AGMO: variants seen among roughly 807,000 people sequenced by gnomAD.
AGMO encodes alkylglycerol monooxygenase.
Under a neutral mutation model 60.2 loss-of-function variants are expected in AGMO, and 75 were observed. The observed-to-expected ratio is 1.25, with a 90% CI of 1.03 to 1.51. The LOEUF (loss-of-function observed/expected upper bound fraction) is 1.51. AGMO is among the 40% of genes most tolerant of loss of function. The pLI, the probability that AGMO is intolerant of heterozygous loss-of-function variation, is 0.00. For missense variants in AGMO, 763 were observed against 525.5 expected (o/e 1.45, Z -4.42); for synonymous variants, 261 against 177.1 (o/e 1.47, Z -3.76).
the AGMO span, among the ~76,000 whole-genome samples, chr7:15,122,932 A>C: frequency 6.6e-6 from 1 of 152,086 alleles, no homozygotes; most frequent in East Asian, 1.9e-4. Flanking sequence ...CACTCAGAGT[A>C]AAAAACAAAG....
chr7:15,354,314 G>GTGTACACA (rs551527948), intron 12 of AGMO, among the ~76,000 whole-genome samples: 1 of 64,770 alleles, frequency 1.5e-5, no homozygotes, highest in East Asian at 6.4e-4. Flanking sequence ...GTGTATACAC[G>GTGTACACA]CGTGTATATA....
chr7:15,405,308 T>C (rs769268499), intron 5 of AGMO, among the ~76,000 whole-genome samples: 3 of 151,882 alleles, frequency 2.0e-5, no homozygotes, highest in Non-Finnish European at 4.4e-5. Context: ...ATCTAAGTTT[T>C]ATACACTGGG....
At chr7:15,254,818 G>A (rs965687588) in intron 12 of AGMO, among the ~76,000 whole-genome samples, 11 of 151,062 alleles carry the variant, frequency 7.3e-5, no homozygotes, top group Non-Finnish European at 7.4e-5. Context: ...AAAATACAAA[G>A]AATCATAAGA....
At chr7:15,341,757 CAT>C (rs1738558734) in intron 12 of AGMO, among the ~76,000 whole-genome samples, 1 of 152,086 alleles carries the variant, frequency 6.6e-6, no homozygotes, top group South Asian at 2.1e-4. Context: ...CACAGTTGCA[CAT>C]GACTGGGGAG....
intron 12 of AGMO, among the ~76,000 whole-genome samples, chr7:15,342,997 C>T (rs1442159962): frequency 3.3e-5 from 5 of 151,722 alleles, no homozygotes; most frequent in African/African-American, 1.2e-4. Flanking sequence ...AGTGTCATTC[C>T]CTTTTATGAA....
intron 12 of AGMO, among the ~76,000 whole-genome samples, chr7:15,361,158 G>A (rs886343732): frequency 5.9e-5 from 9 of 151,972 alleles, no homozygotes; most frequent in African/African-American, 2.2e-4. Flanking sequence ...CACTGTCACT[G>A]TCATCAGCAC....
intron 5 of AGMO, among the ~76,000 whole-genome samples, chr7:15,410,641 A>G (rs1780563780): frequency 6.6e-6 from 1 of 151,976 alleles, no homozygotes; most frequent in Admixed American, 6.6e-5. Context: ...ACAGGTATCT[A>G]TATTTCAAAA....
intron 12 of AGMO, among the ~76,000 whole-genome samples, chr7:15,230,786 C>G (rs562611320): frequency 6.6e-6 from 1 of 152,102 alleles, no homozygotes; most frequent in Non-Finnish European, 1.5e-5. Flanking sequence ...CTCTCCCCAC[C>G]GCAGAATCCA....
At chr7:15,364,838 TGGTGATGTTGGCA>T (rs1782909467) in intron 12 of AGMO, among the ~76,000 whole-genome samples, 1 of 152,100 alleles carries the variant, frequency 6.6e-6, no homozygotes, top group African/African-American at 2.4e-5. Context: ...TTGCACATTC[TGGTGATGTTGGCA>T]GGTGTCTTGG....
chr7:15,429,068 G>A (rs1781155089), intron 4 of AGMO, among the ~76,000 whole-genome samples: 1 of 152,016 alleles, frequency 6.6e-6, no homozygotes, highest in Admixed American at 6.6e-5. Context: ...GAACTATACA[G>A]TTGTAAAATA....
intron 12 of AGMO, among the ~76,000 whole-genome samples, chr7:15,345,266 C>T (rs1781993144): frequency 6.6e-6 from 1 of 152,086 alleles, no homozygotes; most frequent in South Asian, 2.1e-4. Flanking sequence ...TCTTGCTGTT[C>T]TTCCCATTTT....
chr7:15,424,532 A>G (rs1407435814), intron 4 of AGMO, among the ~76,000 whole-genome samples: 3 of 152,198 alleles, frequency 2.0e-5, no homozygotes, highest in Admixed American at 6.5e-5. Flanking sequence ...ATCAGAGAAT[A>G]ATTTTATTTT....
intron 12 of AGMO, among the ~76,000 whole-genome samples, chr7:15,263,379 A>G (rs1161631564): frequency 1.3e-5 from 2 of 149,898 alleles, no homozygotes; most frequent in East Asian, 2.0e-4. Context: ...CCACAATGCG[A>G]TAACACCTCA....
intron 8 of AGMO, among the ~76,000 whole-genome samples, chr7:15,388,676 C>T (rs1238678809): frequency 1.3e-5 from 2 of 152,136 alleles, no homozygotes; most frequent in Admixed American, 1.3e-4. Flanking sequence ...GGAAAACAAA[C>T]AAACAAACAA....
At chr7:15,526,296 G>A (rs1243309322) in intron 3 of AGMO, among the ~76,000 whole-genome samples, 1 of 152,172 alleles carries the variant, frequency 6.6e-6, no homozygotes, top group East Asian at 1.9e-4. Flanking sequence ...CAAAGCAAAA[G>A]TTAAGTCTTG....
chr7:15,361,170 ATGG>A (rs1307029683), intron 12 of AGMO, among the ~76,000 whole-genome samples: 1 of 152,012 alleles, frequency 6.6e-6, no homozygotes, highest in African/African-American at 2.4e-5. Context: ...CATCAGCACA[ATGG>A]TGTCTTTGAC....
At chr7:15,204,850 T>G (rs1349758832) in intron 12 of AGMO, among the ~76,000 whole-genome samples, 1 of 152,126 alleles carries the variant, frequency 6.6e-6, no homozygotes. Flanking sequence ...CAGTTATGTG[T>G]GTGTGTGTTT....
intron 3 of AGMO, among the ~76,000 whole-genome samples, chr7:15,478,032 C>A (rs1202860572): frequency 2.0e-5 from 3 of 152,072 alleles, no homozygotes; most frequent in Non-Finnish European, 4.4e-5. Context: ...ATTGAAGGGA[C>A]ACATATTCTT....
intron 12 of AGMO, among the ~76,000 whole-genome samples, chr7:15,305,786 C>T (rs555496229): frequency 1.1e-4 from 17 of 151,948 alleles, no homozygotes; most frequent in South Asian, 2.1e-4. Context: ...AGAAATCATA[C>T]GGAAGATTCT....
Sources: gnomAD v4.1 joint callset for allele counts (sites outside exome capture counted in the v4.1 genomes callset) on GRCh38, gnomAD v4.1.1 for gene constraint, MANE v1.5 for transcripts, NCBI Gene and HGNC (gene_info 2026-07-23, HGNC 2026-07-21) for gene names.